Variants in SLC12A9 observed in about 807,000 individuals in gnomAD.
SLC12A9 encodes CCC-interacting protein 1.
SLC12A9 carries 55 observed loss-of-function variants against 66.0 expected under a neutral mutation model. That is an observed-to-expected ratio of 0.83 (90% CI 0.67 to 1.04). The LOEUF (loss-of-function observed/expected upper bound fraction) is 1.04, where lower values mean the gene tolerates loss of function less well. Ranked by LOEUF, SLC12A9 falls within the 50% of genes least tolerant of loss-of-function variation. The pLI is 0.00. For missense variants in SLC12A9, 1,061 were observed against 1,241.9 expected (o/e 0.85, Z 2.19); for synonymous variants, 577 against 569.0 (o/e 1.01, Z -0.20).
chr7:100,852,173 G>C (rs1216759518), upstream of SLC12A9, among the ~76,000 whole-genome samples: 1 of 152,190 alleles, frequency 6.6e-6, no homozygotes, highest in African/African-American at 2.4e-5. Flanking sequence ...GGTGCAAAGC[G>C]ACCCTGGGCC....
At chr7:100,836,029 G>A (rs1180919541) in intron 1 of SLC12A9, among the ~76,000 whole-genome samples, 1 of 152,178 alleles carries the variant, frequency 6.6e-6, no homozygotes, top group Admixed American at 6.5e-5. Context: ...TGTCCCAGCA[G>A]GGGGAAGTCT....
chr7:100,842,274 T>G (rs1307002940), intron 1 of SLC12A9, among the ~76,000 whole-genome samples: 1 of 152,226 alleles, frequency 6.6e-6, no homozygotes, highest in African/African-American at 2.4e-5. Flanking sequence ...TCTTTCCTCA[T>G]TCTATTGCTG....
chr7:100,838,884 T>G (rs1258328726), intron 1 of SLC12A9, among the ~76,000 whole-genome samples: 1 of 152,104 alleles, frequency 6.6e-6, no homozygotes, highest in Non-Finnish European at 1.5e-5. Flanking sequence ...TTACAGACAT[T>G]GTATAGAAAG....
Position 100,866,778 on chromosome 7 carries a change from C to A in SLC12A9, c.*173C>A. ...TGGGCATCACGCCCACCTCCTTTGG[C>A]AGAGGGACCCCAGCACACTAACTCT... On this transcript the variant is annotated 3_prime_UTR_variant, in exon 14 of 14. Transcript: ENST00000354161. The surrounding 1 kb of genome is among the most constrained non-coding windows in gnomAD (Gnocchi z 7.3). The A allele has an allele frequency of 1.5e-6, 1 of 648,384 alleles. No homozygotes were observed. The highest frequency in any genetic ancestry group is 2.5e-6 in the Non-Finnish European group (1 of 406,812). The allele number at this position is 648,384 out of a possible 1,614,324, so 40.2% of individuals were successfully genotyped here.
Position 100,861,262 on chromosome 7 carries a change from G to A in SLC12A9, c.1343G>A (p.Arg448His), listed in dbSNP as rs1157087414. 9.9e-6 allele frequency: 16 copies of A among 1,614,152 alleles called. No homozygotes were observed. Among genetic ancestry groups the A allele is most frequent in the East Asian group, 4.5e-5 (2 of 44,874 alleles). Residue 448 changes from arginine (R) to histidine (H), a missense_variant and splice_region_variant, in exon 10 of 14, where the codon CGC becomes CAC. Coordinates refer to ENST00000354161, the MANE Select transcript of SLC12A9 (RefSeq NM_020246.4). The surrounding 1 kb of genome is among the most constrained non-coding windows in gnomAD (Gnocchi z 5.3). Reference sequence around the variant, plus strand: ...GAGTGGGCCTCGGCCCCCAACTTCCGGTGAGAGACTCAGATCTGTGTCCCC... The same window carrying A: ...GAGTGGGCCTCGGCCCCCAACTTCCAGTGAGAGACTCAGATCTGTGTCCCC... The part of the protein sequence containing the change: ...SLEWASAPNF[R>H]PTFSLFSWHT...
chr7:100,851,080 C>T (rs1272306113), upstream of SLC12A9, among the ~76,000 whole-genome samples: 1 of 152,154 alleles, frequency 6.6e-6, no homozygotes, highest in East Asian at 1.9e-4. Context: ...TGGTCTGGAG[C>T]TCTTGGGCTC....
At chr7:100,832,166 C>T (rs1813556958) in intron 1 of SLC12A9, among the ~76,000 whole-genome samples, 2 of 152,140 alleles carry the variant, frequency 1.3e-5, no homozygotes, top group African/African-American at 4.8e-5. Flanking sequence ...CGCCACTGCA[C>T]TCCAGCCTGG....
At chr7:100,845,475 G>A (rs1186611280) in intron 1 of SLC12A9, among the ~76,000 whole-genome samples, 5 of 151,798 alleles carry the variant, frequency 3.3e-5, no homozygotes, top group African/African-American at 9.7e-5. Context: ...TCAGCCTCCC[G>A]AGTAGCTGGG....
chr7:100,842,645 A>C (rs1271922160), intron 1 of SLC12A9, among the ~76,000 whole-genome samples: 1 of 150,864 alleles, frequency 6.6e-6, no homozygotes, highest in Non-Finnish European at 1.5e-5. Flanking sequence ...ATAGAAGTTA[A>C]AGACTTAAAA....
At chr7:100,827,736 C>T (rs1233983844) in intron 1 of SLC12A9, among the ~76,000 whole-genome samples, 6 of 152,188 alleles carry the variant, frequency 3.9e-5, no homozygotes, top group Non-Finnish European at 1.5e-5. Context: ...GGGTGAGGAA[C>T]CCCGGGACCG....
chr7:100,828,551 CAAAA>C (rs34743877), intron 1 of SLC12A9, among the ~76,000 whole-genome samples: 4 of 40,654 alleles, frequency 9.8e-5, no homozygotes, highest in Admixed American at 3.2e-4. Flanking sequence ...GACGAAATCT[CAAAA>C]AAAAAAAAAA....
intron 1 of SLC12A9, among the ~76,000 whole-genome samples, chr7:100,840,130 TTA>T (rs1029734728): frequency 1.3e-5 from 2 of 152,196 alleles, no homozygotes; most frequent in African/African-American, 4.8e-5. Flanking sequence ...AGTTTTGATT[TTA>T]GTTTGGTGCA....
At position 100,861,614 on chromosome 7, in the gene SLC12A9, A is replaced by G; in HGVS notation, c.1536+30A>G. ...GGGGAGCTGGTGGGGCGGTGGGGAA[A>G]TGGGAGGTGGTCAAAGAACCCCCTC... On this transcript the variant is annotated intron_variant, in intron 11 of 13. Coordinates refer to ENST00000354161, the MANE Select transcript of SLC12A9 (RefSeq NM_020246.4). The surrounding 1 kb of genome is among the most constrained non-coding windows in gnomAD (Gnocchi z 5.3). The G allele has an allele frequency of 1.2e-6, 2 of 1,609,192 alleles. No homozygotes were observed. Among genetic ancestry groups the G allele is most frequent in the Non-Finnish European group, 1.7e-6 (2 of 1,176,866 alleles).
At chr7:100,836,358 G>T (rs1226731009) in intron 1 of SLC12A9, among the ~76,000 whole-genome samples, 1 of 152,134 alleles carries the variant, frequency 6.6e-6, no homozygotes, top group Non-Finnish European at 1.5e-5. Context: ...GAGGGTAGCA[G>T]GTCGGGCCAG....
chr7:100,866,349 C>A lies in SLC12A9; in HGVS notation c.2489C>A (p.Ala830Glu), dbSNP rs775379541. ...AACAGTGGGCGGGGAGACGCAGAGG[C>A]AGAGGCCCTGGCACGCAGCGCCAAC... ...FVNSGRGDAE[A>E]EALARSANAL... is the part of the protein sequence containing the mutation. The change falls in exon 14 of 14, where the codon GCA becomes GAA. Residue 830 changes from alanine (A) to glutamate (E), a missense_variant. Physicochemically the swap from Ala to Glu is moderately radical, Grantham distance 107. Transcript: ENST00000354161. The surrounding 1 kb of genome is among the most constrained non-coding windows in gnomAD (Gnocchi z 7.3). 37 of 1,509,452 alleles carry A rather than the reference C, an allele frequency of 2.5e-5. No homozygotes were observed. The highest frequency in any genetic ancestry group is 2.9e-5 in the Non-Finnish European group (33 of 1,125,540). The allele number at this position is 1,509,452 out of a possible 1,614,324, so 93.5% of individuals were successfully genotyped here.
At chr7:100,838,212 G>T (rs1813708350) in intron 1 of SLC12A9, among the ~76,000 whole-genome samples, 2 of 152,128 alleles carry the variant, frequency 1.3e-5, no homozygotes, top group Admixed American at 1.3e-4. Flanking sequence ...TGTTGCCCAG[G>T]CTGGTCTCAC....
chr7:100,834,674 G>A (rs973726396), intron 1 of SLC12A9, among the ~76,000 whole-genome samples: 2 of 152,062 alleles, frequency 1.3e-5, no homozygotes, highest in East Asian at 1.9e-4. Context: ...TTGAGACCAG[G>A]AGTACAAGAC....
At chr7:100,855,299 A>T (rs1584693969) in intron 3 of SLC12A9, 1 of 255,160 alleles carries the variant, frequency 3.9e-6, no homozygotes, top group Non-Finnish European at 7.7e-6. Flanking sequence ...ATTTTTAAAT[A>T]TTTGTAGAGA....
intron 7 of SLC12A9, 75 bp from the exon 8 acceptor site, chr7:100,859,810 C>T: frequency 6.6e-7 from 1 of 1,513,080 alleles, no homozygotes; most frequent in Non-Finnish European, 8.9e-7. Flanking sequence ...TGAGTCTGAT[C>T]CTTAAGATCG....
Sources: allele counts gnomAD v4.1 joint callset (sites outside exome capture counted in the v4.1 genomes callset), GRCh38; gene constraint gnomAD v4.1.1; non-coding constraint Gnocchi (gnomAD v3.1); transcripts MANE v1.5; gene names NCBI Gene and HGNC (gene_info 2026-07-23, HGNC 2026-07-21).